Variants in SNX9 observed in about 807,000 individuals in gnomAD.
SNX9 encodes the protein sorting nexin 9.
Under a neutral mutation model 89.4 loss-of-function variants are expected in SNX9, and 44 were observed. That is an observed-to-expected ratio of 0.49 (90% CI 0.39 to 0.63). The LOEUF (loss-of-function observed/expected upper bound fraction) is 0.63, where lower values mean the gene tolerates loss of function less well. SNX9 is among the 30% of genes least tolerant of loss of function. The pLI, the probability that SNX9 is intolerant of heterozygous loss-of-function variation, is 0.00. For synonymous variants in SNX9, 236 were observed against 247.8 expected (o/e 0.95, Z 0.45); for missense variants, 578 against 736.1 (o/e 0.79, Z 2.49).
intron 1 of SNX9, among the ~76,000 whole-genome samples, chr6:157,834,044 G>A (rs1781524277): frequency 6.6e-6 from 1 of 151,178 alleles, no homozygotes; most frequent in Admixed American, 6.6e-5. Flanking sequence ...ATTGGATCTT[G>A]CAGTGGGGTG....
rs527933924 is a variant in SNX9 at position 157,938,865 on chromosome 6, G to A, written c.1648+118G>A. 8 of 657,026 alleles carry A rather than the reference G, an allele frequency of 1.2e-5. No individual in the cohort carries two copies. The African/African-American group carries it at 1.3e-4, about 10-fold the overall frequency. 40.7% of individuals were successfully genotyped at this position (657,026 alleles called of 1,614,324 possible). On this transcript the variant is annotated intron_variant, in intron 16 of 17. Coordinates refer to ENST00000392185, the MANE Select transcript of SNX9 (RefSeq NM_016224.5). ...CAGTTAAGTAAGTGAGACCTTTTAA[G>A]CCCCTCGTTTGCAGGATCCCGGTGC...
chr6:157,918,351 G>T (rs758800098), intron 9 of SNX9, among the ~76,000 whole-genome samples: 1 of 152,058 alleles, frequency 6.6e-6, no homozygotes, highest in Non-Finnish European at 1.5e-5. Flanking sequence ...ATATCATGAG[G>T]TGTCCCCCAT....
At chr6:157,916,092 T>C (rs12183878) in intron 9 of SNX9, among the ~76,000 whole-genome samples, 32,649 of 151,362 alleles carry the variant, frequency 0.22, 3,592 homozygotes, top group Non-Finnish European at 0.23. Flanking sequence ...TGGAGTGCAG[T>C]GGCGCTATCT....
At chr6:157,908,689 A>C (rs1210372492) in intron 7 of SNX9, among the ~76,000 whole-genome samples, 2 of 152,226 alleles carry the variant, frequency 1.3e-5, no homozygotes, top group Non-Finnish European at 2.9e-5. Flanking sequence ...GGTTTGGGAC[A>C]GCAGACCTAT....
At chr6:157,828,027 A>G (rs888768299) in intron 1 of SNX9, among the ~76,000 whole-genome samples, 3 of 152,170 alleles carry the variant, frequency 2.0e-5, no homozygotes, top group African/African-American at 4.8e-5. Context: ...AGTGAGAACA[A>G]TTCAGAAGGC....
intron 9 of SNX9, among the ~76,000 whole-genome samples, chr6:157,919,577 C>T (rs1351738723): frequency 1.3e-5 from 2 of 152,006 alleles, no homozygotes; most frequent in Non-Finnish European, 2.9e-5. Flanking sequence ...CTTCTCTCTC[C>T]TTTTTGAAAC....
intron 6 of SNX9, among the ~76,000 whole-genome samples, chr6:157,903,648 G>T (rs1273305141): frequency 2.0e-5 from 3 of 152,174 alleles, no homozygotes; most frequent in Non-Finnish European, 4.4e-5. Context: ...AGAAAAATGA[G>T]TGGCCACGTT....
At chr6:157,839,213 A>G (rs1781645599) in intron 1 of SNX9, among the ~76,000 whole-genome samples, 1 of 152,212 alleles carries the variant, frequency 6.6e-6, no homozygotes, top group South Asian at 2.1e-4. Flanking sequence ...GTGGGGATGT[A>G]TATATGTAAT....
At chr6:157,900,638 A>G (rs180863950) in intron 5 of SNX9, among the ~76,000 whole-genome samples, 135 of 152,320 alleles carry the variant, frequency 8.9e-4, no homozygotes, top group African/African-American at 3.0e-3. Flanking sequence ...TCATTTGATT[A>G]TGAGGTGAGA....
At chr6:157,834,164 T>G (rs1189205218) in intron 1 of SNX9, among the ~76,000 whole-genome samples, 24 of 110,424 alleles carry the variant, frequency 2.2e-4, no homozygotes, top group African/African-American at 9.1e-4. Context: ...TTTTTTTTTT[T>G]TTTTTTTTTT....
chr6:157,909,819 T>A (rs2115179240), intron 8 of SNX9, 29 bp downstream of exon 8: 1 of 1,613,250 alleles, frequency 6.2e-7, no homozygotes, highest in East Asian at 2.2e-5. Context: ...AAAAGCAGAA[T>A]CATGTTTGGA....
chr6:157,866,522 C>G (rs950133455), intron 1 of SNX9, among the ~76,000 whole-genome samples: 2 of 152,092 alleles, frequency 1.3e-5, no homozygotes, highest in Non-Finnish European at 2.9e-5. Context: ...TGCATTGACC[C>G]ATGATGGCAC....
intron 10 of SNX9, among the ~76,000 whole-genome samples, chr6:157,924,914 C>T (rs1182963176): frequency 1.3e-5 from 2 of 152,046 alleles, no homozygotes; most frequent in Admixed American, 6.5e-5. Context: ...CCATGTGGCT[C>T]GCAGATTTAA....
At chr6:157,940,832 T>G in intron 16 of SNX9, 51 bp from the exon 17 acceptor site, 1 of 1,525,396 alleles carries the variant, frequency 6.6e-7, no homozygotes. Flanking sequence ...CCAGGTGTTG[T>G]CATTTGAAAA....
intron 14 of SNX9, among the ~76,000 whole-genome samples, chr6:157,936,520 A>C (rs1309071879): frequency 1.3e-5 from 2 of 152,210 alleles, no homozygotes; most frequent in African/African-American, 4.8e-5. Flanking sequence ...GAAGAAAAAA[A>C]GACATCTAAA....
intron 1 of SNX9, among the ~76,000 whole-genome samples, chr6:157,834,172 T>TTTTG (rs1781533457): frequency 8.3e-6 from 1 of 121,026 alleles, no homozygotes; most frequent in Non-Finnish European, 1.7e-5. Flanking sequence ...TTTTTTTTTT[T>TTTTG]TTTTTTTTTT....
intron 1 of SNX9, among the ~76,000 whole-genome samples, chr6:157,856,045 G>A (rs1014956674): frequency 6.6e-6 from 1 of 152,166 alleles, no homozygotes; most frequent in South Asian, 2.1e-4. Context: ...CACCACGCCC[G>A]GCCTGTCATT....
In SNX9 at chr6:157,909,777, A is replaced by G; in HGVS notation, c.818A>G (p.Gln273Arg). 1 of 1,614,124 alleles carries G rather than the reference A, an allele frequency of 6.2e-7. No homozygotes were observed. ...GGTCTAAAGAGCTACATCGAATATC[A>G]GCTAACACCTACTGTAAGTATCCAC... ...MYGLKSYIEY[Q>R]LTPTNTNRSV... The change falls in exon 8 of 18, where the codon CAG becomes CGG. Residue 273 changes from glutamine (Q) to arginine (R), a missense_variant. Coordinates refer to ENST00000392185, the MANE Select transcript of SNX9 (RefSeq NM_016224.5).
chr6:157,854,227 G>C (rs983176307), intron 1 of SNX9, among the ~76,000 whole-genome samples: 4 of 152,216 alleles, frequency 2.6e-5, no homozygotes, highest in Non-Finnish European at 5.9e-5. Flanking sequence ...TGAGCATGCA[G>C]TTTTACAATT....
Sources: allele counts gnomAD v4.1 joint callset (sites outside exome capture counted in the v4.1 genomes callset), GRCh38; gene constraint gnomAD v4.1.1; transcripts MANE v1.5; gene names NCBI Gene and HGNC (gene_info 2026-07-23, HGNC 2026-07-21).